The following CHL1 variants were observed in gnomAD, a reference collection of about 807,000 sequenced individuals.
CHL1 encodes neural cell adhesion molecule L1-like protein.
A neutral mutation model predicts 141.9 loss-of-function variants in CHL1; 96 were observed. That is an observed-to-expected ratio of 0.68 (90% confidence interval 0.57 to 0.80). CHL1 has a LOEUF of 0.80. CHL1 is among the 30% of genes least tolerant of loss of function. The pLI is 0.00. For synonymous variants in CHL1, 613 were observed against 502.2 expected (o/e 1.22, Z -2.95); for missense variants, 1,820 against 1,457.2 (o/e 1.25, Z -4.05).
At chr3:334,004 T>G in intron 5 of CHL1, among the ~76,000 whole-genome samples, 1 of 152,130 alleles carries the variant, frequency 6.6e-6, no homozygotes, top group East Asian at 1.9e-4. Context: ...TTGCCCAGGC[T>G]AGAGTGCAGT....
At chr3:233,271 A>G (rs1237656552) in intron 1 of CHL1, among the ~76,000 whole-genome samples, 1 of 151,798 alleles carries the variant, frequency 6.6e-6, no homozygotes, top group Non-Finnish European at 1.5e-5. Context: ...GCCCTTATAC[A>G]CCTCATCTTC....
chr3:302,671 A>C (rs1336633811), intron 2 of CHL1, among the ~76,000 whole-genome samples: 2 of 152,216 alleles, frequency 1.3e-5, no homozygotes, highest in East Asian at 3.9e-4. Context: ...AAATTGCAAA[A>C]ATTTTCTCCC....
intron 2 of CHL1, among the ~76,000 whole-genome samples, chr3:245,416 C>T (rs190076920): frequency 2.2e-4 from 33 of 152,156 alleles, no homozygotes; most frequent in Admixed American, 6.5e-4. Context: ...TAGATTATTA[C>T]GATAATGAAT....
chr3:278,720 T>C (rs914557633), intron 2 of CHL1, among the ~76,000 whole-genome samples: 1 of 152,226 alleles, frequency 6.6e-6, no homozygotes, highest in African/African-American at 2.4e-5. Flanking sequence ...CTGGACACAA[T>C]GAATAGACAG....
Sources: allele counts gnomAD v4.1 joint callset (sites outside exome capture counted in the v4.1 genomes callset), GRCh38; gene constraint gnomAD v4.1.1; transcripts MANE v1.5; gene names NCBI Gene and HGNC (gene_info 2026-07-23, HGNC 2026-07-21).